The following PLXND1 variants were observed in gnomAD, a reference collection of about 807,000 sequenced individuals.
The protein encoded by PLXND1 is plexin-D1.
Under a neutral mutation model 197.7 loss-of-function variants are expected in PLXND1, and 54 were observed. The ratio of observed to expected loss-of-function variants is 0.27; its 90% CI spans 0.22 to 0.34. The LOEUF (loss-of-function observed/expected upper bound fraction) is 0.34. PLXND1 is among the 10% of genes least tolerant of loss of function. The pLI is 1.00. For missense variants in PLXND1, 2,127 were observed against 2,699.2 expected (o/e 0.79, Z 4.70); for synonymous variants, 1,180 against 1,161.2 (o/e 1.02, Z -0.33).
chr3:129,589,283 C>A (rs1294617498), intron 2 of PLXND1, 68 bp downstream of exon 2: 3 of 907,584 alleles, frequency 3.3e-6, no homozygotes, highest in East Asian at 2.8e-5. Flanking sequence ...TACAGACTGA[C>A]CCCCTCAGCC....
In PLXND1 at chr3:129,573,832, G is replaced by A. The variant is rs1560068552; in HGVS notation, c.2686-87C>T. The stretch of plus-strand genomic sequence containing the variant: ...CCCACAGTCACAGGCACCCAGCAGG[G>A]CACAGCCGTGCAGACCCACTGCTTA... On this transcript the variant is annotated intron_variant, in intron 12 of 35. Coordinates refer to ENST00000324093, the MANE Select transcript of PLXND1 (RefSeq NM_015103.3). 5 of 1,427,898 alleles carry A rather than the reference G, an allele frequency of 3.5e-6. No individual in the cohort carries two copies. The South Asian group carries it at 5.2e-5, about 15-fold the overall frequency. 88.5% of individuals were successfully genotyped at this position (1,427,898 alleles called of 1,614,324 possible). A position where few individuals can be genotyped will look rare whatever the true frequency, so the allele number is the denominator to read the frequency against.
intron 25 of PLXND1, among the ~76,000 whole-genome samples, 158 bp downstream of exon 25, chr3:129,565,163 CATGGCTCCCCTCTCTGCAT>C (rs890403327): frequency 1.3e-5 from 2 of 152,248 alleles, no homozygotes; most frequent in Non-Finnish European, 2.9e-5. Flanking sequence ...TCCCCGGGGC[CATGGCTCCCCTCTCTGCAT>C]AACAGGTCCT....
chr3:129,563,427 G>T (rs1316236872), intron 25 of PLXND1, among the ~76,000 whole-genome samples, 187 bp from the exon 26 acceptor site: 1 of 152,200 alleles, frequency 6.6e-6, no homozygotes, highest in East Asian at 1.9e-4. Context: ...AACACCACCA[G>T]CTGTGGGTGG....
Position 129,559,712 on chromosome 3 carries a change from C to A in PLXND1, c.5205G>T (p.Leu1735=). Residue 1735 remains leucine (L), a synonymous_variant, in exon 32 of 36, where the codon CTG becomes CTT. Transcript: ENST00000324093. ...GGAAGTCGAAAAAGTACTTGACAGC[C>A]AGTGGGGGCTTGTCTTCACGGATAC... ...ILSIREDKPP[L]AVKYFFDFLE... 1 of 1,613,388 alleles carries A rather than the reference C, an allele frequency of 6.2e-7. No individual in the cohort carries two copies. Among genetic ancestry groups the A allele is most frequent in the Admixed American group, 1.7e-5 (1 of 59,986 alleles).
In PLXND1 at chr3:129,569,884, G is replaced by A. The variant is rs778853676; in HGVS notation, c.3824C>T (p.Ser1275Phe). ...LGGSETAIIVSIVICSVLLLL... is the reference protein window; with the variant it reads ...LGGSETAIIVFIVICSVLLLL... ...CAGCAGGACGCTGCAGATGACGATG[G>A]ACACGATGATGGCCGTCTCGCTGCC... is the stretch of plus-strand genomic sequence containing the variant. The change falls in exon 20 of 36, where the codon TCC becomes TTC. Residue 1275 changes from serine (S) to phenylalanine (F), a missense_variant. By Grantham distance (155) the Ser-to-Phe change is radical. Around this residue, in one of 6 missense-constraint regions of PLXND1, gnomAD observed 532 missense variants for 811.0 expected, o/e 0.66. Coordinates refer to ENST00000324093, the MANE Select transcript of PLXND1 (RefSeq NM_015103.3). The A allele has an allele frequency of 6.2e-7, 1 of 1,613,034 alleles. No individual in the cohort carries two copies.
chr3:129,596,886 C>T lies in PLXND1; in HGVS notation c.1312-7359G>A, dbSNP rs150963389. Reference sequence around the variant, plus strand: ...GCTTGGAGCCTTGCGCAAACATCTCCGGGCTGGATTCCATGAGCTGGGGAC... The same window carrying T: ...GCTTGGAGCCTTGCGCAAACATCTCTGGGCTGGATTCCATGAGCTGGGGAC... On this transcript the variant is annotated intron_variant, in intron 1 of 35. Coordinates refer to ENST00000324093, the MANE Select transcript of PLXND1 (RefSeq NM_015103.3). Among the ~76,000 whole-genome samples, 59 of 152,248 alleles carry T rather than the reference C, an allele frequency of 3.9e-4. No individual in the cohort carries two copies. In the East Asian group the frequency reaches 0.01, roughly 27 times the overall value.
Position 129,571,833 on chromosome 3 carries a change from G to A in PLXND1, c.3089C>T (p.Thr1030Ile), listed in dbSNP as rs766270548. The A allele has an allele frequency of 2.0e-5, 32 of 1,611,730 alleles. No individual in the cohort carries two copies. The highest frequency in any genetic ancestry group is 2.7e-5 in the African/African-American group (2 of 74,886). Reference sequence around the variant, plus strand: ...CTCAGGCATGGTGCAGGCGATGCTGGTATCTGTGCGCCTGGGGGGAGCAGC... The same window carrying A: ...CTCAGGCATGGTGCAGGCGATGCTGATATCTGTGCGCCTGGGGGGAGCAGC... ...DPCTELMRTDTSIACTMPEGA... is the reference protein window; with the variant it reads ...DPCTELMRTDISIACTMPEGA... Residue 1030 changes from threonine (T) to isoleucine (I), a missense_variant, in exon 16 of 36, where the codon ACC (threonine) becomes ATC (isoleucine). Around this residue, in one of 6 missense-constraint regions of PLXND1, gnomAD observed 1,095 missense variants for 1,259.8 expected, o/e 0.87. Transcript: ENST00000324093.
At chr3:129,602,476 G>A (rs2085723824) in intron 1 of PLXND1, among the ~76,000 whole-genome samples, 1 of 152,120 alleles carries the variant, frequency 6.6e-6, no homozygotes, top group South Asian at 2.1e-4. Flanking sequence ...TTCTCCCTTT[G>A]CGGCACGCAT....
intron 1 of PLXND1, 134 bp from the exon 2 acceptor site, chr3:129,589,661 A>T: frequency 1.3e-6 from 1 of 752,782 alleles, no homozygotes. Flanking sequence ...CTCAGTGCTC[A>T]GCTGAGGCCC....
In PLXND1 at chr3:129,577,697, G is replaced by A. The variant is rs181221249; in HGVS notation, c.2346+632C>T. ...CTTCCCACCCAGGACGCGCCTCCAG[G>A]AGGGGTCCAGAAAGGAGCTGCGTCC... On this transcript the variant is annotated intron_variant, in intron 9 of 35. Coordinates refer to ENST00000324093, the MANE Select transcript of PLXND1 (RefSeq NM_015103.3). The surrounding 1 kb of genome is among the most constrained non-coding windows in gnomAD (Gnocchi z 5.0). Among the ~76,000 whole-genome samples, 12 of 152,332 alleles carry A rather than the reference G, an allele frequency of 7.9e-5. No individual in the cohort carries two copies. Among genetic ancestry groups the A allele is most frequent in the African/African-American group, 2.9e-4 (12 of 41,576 alleles).
chr3:129,590,053 C>T (rs2085517491), intron 1 of PLXND1, among the ~76,000 whole-genome samples: 1 of 152,182 alleles, frequency 6.6e-6, no homozygotes, highest in Admixed American at 6.5e-5. Flanking sequence ...GGTGTCTGCT[C>T]TGACCCTAGG....
intron 1 of PLXND1, among the ~76,000 whole-genome samples, chr3:129,597,491 C>CG (rs1560082952): frequency 6.6e-6 from 1 of 151,598 alleles, no homozygotes; most frequent in Non-Finnish European, 1.5e-5. Context: ...GGGCCCCCCC[C>CG]CATTATTTAC....
In PLXND1 at chr3:129,572,641, C is replaced by T. The variant is rs2085251544; in HGVS notation, c.3045G>A (p.Leu1015=). 2 of 1,595,532 alleles carry T rather than the reference C, an allele frequency of 1.3e-6. No homozygotes were observed. The highest frequency in any genetic ancestry group is 1.7e-5 in the Admixed American group (1 of 57,950). ...DLHVGSELQV[L]VNDTDPCTEL... ...CCGTGCAGGGGTCTGTGTCGTTCAC[C>T]AGGACCTGGAGCTCGGAGCCTACAT... Residue 1015 remains leucine, a synonymous_variant, in exon 15 of 36, where the codon CTG becomes CTA. Coordinates refer to ENST00000324093, the MANE Select transcript of PLXND1 (RefSeq NM_015103.3).
intron 17 of PLXND1, 60 bp from the exon 18 acceptor site, chr3:129,571,363 A>T (rs749163736): frequency 1.3e-4 from 207 of 1,578,940 alleles, no homozygotes; most frequent in Non-Finnish European, 1.7e-4. Flanking sequence ...GGGCATGGAG[A>T]AACGGTGGGG....
At chr3:129,565,301 TC>T (rs766109659) in intron 25 of PLXND1, 38 bp downstream of exon 25, 50 of 1,573,648 alleles carry the variant, frequency 3.2e-5, no homozygotes, top group Non-Finnish European at 3.9e-5. Context: ...CCCTGCCACG[TC>T]CCCCGCCTGG....
intron 1 of PLXND1, among the ~76,000 whole-genome samples, chr3:129,594,430 G>A (rs2085591094): frequency 6.6e-6 from 1 of 152,114 alleles, no homozygotes; most frequent in African/African-American, 2.4e-5. Flanking sequence ...GCTGCAGTGA[G>A]CTATAATTTC....
At chr3:129,605,284 CCCGCCGCCGCCGCCGCCG>C (rs3832259) in intron 1 of PLXND1, 27 bp downstream of exon 1, 12 of 784,088 alleles carry the variant, frequency 1.5e-5, no homozygotes, top group South Asian at 1.5e-4. Flanking sequence ...CGCCCCCGCC[CCCGCCGCCGCCGCCGCCG>C]CCGCCGCCGC....
At chr3:129,583,500 A>C in intron 8 of PLXND1, 67 bp downstream of exon 8, 1 of 1,008,806 alleles carries the variant, frequency 9.9e-7, no homozygotes, top group Non-Finnish European at 1.5e-6. Context: ...AAACATTCTC[A>C]ACATGTGAAT....
At chr3:129,593,241 C>T (rs2085572809) in intron 1 of PLXND1, among the ~76,000 whole-genome samples, 1 of 152,174 alleles carries the variant, frequency 6.6e-6, no homozygotes. Context: ...CTCCTGCCAG[C>T]TCCCAGGCCT....
Sources: gnomAD v4.1 joint callset for allele counts (sites outside exome capture counted in the v4.1 genomes callset) on GRCh38, gnomAD v4.1.1 for gene constraint, gnomAD v4.1.1 regional missense constraint, Gnocchi (gnomAD v3.1) non-coding constraint, MANE v1.5 for transcripts, NCBI Gene and HGNC (gene_info 2026-07-23, HGNC 2026-07-21) for gene names.